FBN2: variants seen among roughly 807,000 people sequenced by gnomAD.
The protein encoded by FBN2 is fibrillin 2, also known as fibrillin-2.
In FBN2, 105 loss-of-function variants were observed where a neutral mutation model predicts 355.6. The observed-to-expected ratio is 0.30, with a 90% CI of 0.25 to 0.35. The LOEUF (loss-of-function observed/expected upper bound fraction) is 0.35. Among genes scored for constraint, FBN2 ranks in the 10% least tolerant of loss-of-function variants. The probability of loss-of-function intolerance (pLI) is 1.00; values close to 1 mark genes in which losing one functional copy is unlikely to be tolerated. For missense variants in FBN2, 3,280 were observed against 3,758.7 expected, an observed-to-expected ratio of 0.87 and a Z score of 3.33; for synonymous variants, 1,350 against 1,301.2, an observed-to-expected ratio of 1.04 and a Z score of -0.81.
rs779073739 is a variant in FBN2, at chr5:128,272,077, A to C, written c.7882T>G (p.Cys2628Gly). 1 of 1,614,118 alleles carries C rather than the reference A, an allele frequency of 6.2e-7. No homozygotes were observed. The highest frequency in any genetic ancestry group is 1.1e-5 in the South Asian group (1 of 91,076). ...CDGNHRCQHG[C>G]QNILGGYRCG... ...CTGTAGCCACCCAGGATGTTCTGGC[A>C]GCCGTGTTGGCACCTGTGGTTCCCA... The change falls in exon 62 of 65, where the codon TGC becomes GGC. Residue 2628 changes from cysteine (C) to glycine (G), a missense_variant. Physicochemically the swap from Cys to Gly is radical, Grantham distance 159 (BLOSUM62 -3). Around this residue, in one of 6 missense-constraint regions of FBN2, gnomAD observed 2,284 missense variants for 2,749.5 expected, o/e 0.83. Transcript: ENST00000262464.
intron 36 of FBN2, 48 bp from the exon 37 acceptor site, chr5:128,312,843 G>A: frequency 6.2e-7 from 1 of 1,602,206 alleles, no homozygotes; most frequent in South Asian, 1.1e-5. Flanking sequence ...TACATAGTAA[G>A]GACTCCATTT....
chr5:128,446,661 A>G (rs1438186080), intron 6 of FBN2, 55 bp from the exon 7 acceptor site: 10 of 1,573,192 alleles, frequency 6.4e-6, no homozygotes, highest in Admixed American at 1.7e-5. Flanking sequence ...GAATATCTAT[A>G]CTTTTTTTTA....
Position 128,399,202 on chromosome 5 carries a change from TAGCCATACC to T in FBN2, c.1079-3937_1079-3929del, listed in dbSNP as rs573520961. Among the ~76,000 whole-genome samples, 52 of 152,244 alleles carry T rather than the reference TAGCCATACC, an allele frequency of 3.4e-4. 1 individual carries two copies. The South Asian group carries it at 7.1e-3, about 21-fold the overall frequency. ...GGAAAAATAAACAGAGATACACAAT[TAGCCATACC>T]ACTGTGAAACTGCAGAACTACAAAG... On this transcript the variant is annotated intron_variant, in intron 8 of 64. Coordinates refer to ENST00000262464, the MANE Select transcript of FBN2 (RefSeq NM_001999.4).
chr5:128,513,393 T>C (rs1233819101), intron 5 of FBN2, among the ~76,000 whole-genome samples: 2 of 152,264 alleles, frequency 1.3e-5, no homozygotes, highest in African/African-American at 4.8e-5. Context: ...CTCTAATGTC[T>C]TTTAATCCGA....
chr5:128,340,658 C>CAT (rs1389970225), intron 25 of FBN2, among the ~76,000 whole-genome samples: 1 of 152,156 alleles, frequency 6.6e-6, no homozygotes, highest in East Asian at 1.9e-4. Context: ...CCCAGTCTGT[C>CAT]ATCTACTGAG....
chr5:128,389,768 C>A (rs1231453432), intron 11 of FBN2, among the ~76,000 whole-genome samples: 1 of 152,128 alleles, frequency 6.6e-6, no homozygotes, highest in Non-Finnish European at 1.5e-5. Context: ...TGGGCCACTC[C>A]TCAACTATTT....
At position 128,464,909 on chromosome 5, in the gene FBN2, C is replaced by A. The variant is rs1439247745; in HGVS notation, c.641G>T (p.Gly214Val). Residue 214 changes from glycine to valine, a missense_variant, in exon 6 of 65, where the codon GGC (glycine) becomes GTC (valine). By Grantham distance (109) the Gly-to-Val change is moderately radical. Transcript: ENST00000262464. Reference protein sequence around the residue: ...GPQCERDYRTGPCFTQVNNQM... With the variant: ...GPQCERDYRTVPCFTQVNNQM... ...GTTGTTGACCTGAGTGAAACACGGG[C>A]CTGTCCTGTAATCTGGAATGTGGGA... 1.2e-6 allele frequency: 2 copies of A among 1,614,176 alleles called. No individual in the cohort carries two copies. Among genetic ancestry groups the A allele is most frequent in the East Asian group, 2.2e-5 (1 of 44,880 alleles).
intron 6 of FBN2, among the ~76,000 whole-genome samples, chr5:128,457,541 G>T (rs1252852271): frequency 3.9e-5 from 6 of 152,042 alleles, no homozygotes; most frequent in African/African-American, 1.4e-4. Context: ...AACTGTTAAG[G>T]GCAGCCAGAT....
At chr5:128,344,352 A>G in intron 25 of FBN2, 33 bp downstream of exon 25, 7 of 1,612,394 alleles carry the variant, frequency 4.3e-6, no homozygotes, top group Non-Finnish European at 5.9e-6. Flanking sequence ...AGACAGCCAG[A>G]GTTTATCAAA....
At chr5:128,496,520 G>T (rs1007394792) in intron 5 of FBN2, among the ~76,000 whole-genome samples, 4 of 151,890 alleles carry the variant, frequency 2.6e-5, no homozygotes, top group Non-Finnish European at 4.4e-5. Context: ...ATAATAAAGG[G>T]CCTCTACAAA....
intron 34 of FBN2, among the ~76,000 whole-genome samples, chr5:128,322,333 G>T (rs1460484706): frequency 6.6e-6 from 1 of 152,032 alleles, no homozygotes; most frequent in Non-Finnish European, 1.5e-5. Flanking sequence ...CATTGCTTTT[G>T]GTGTTTCAGT....
chr5:128,320,328 C>T (rs994567822), intron 34 of FBN2, among the ~76,000 whole-genome samples: 2 of 152,088 alleles, frequency 1.3e-5, no homozygotes, highest in Admixed American at 6.6e-5. Flanking sequence ...AATCCTCCCC[C>T]TTCAGCCTTC....
chr5:128,521,985 G>A (rs1756445441), intron 4 of FBN2, among the ~76,000 whole-genome samples: 1 of 151,912 alleles, frequency 6.6e-6, no homozygotes, highest in African/African-American at 2.4e-5. Flanking sequence ...ATTTATCTTA[G>A]CTTATAATAT....
At chr5:128,325,509 C>T (rs1028938242) in intron 34 of FBN2, among the ~76,000 whole-genome samples, 3 of 152,142 alleles carry the variant, frequency 2.0e-5, no homozygotes, top group Non-Finnish European at 4.4e-5. Flanking sequence ...TGTCTTTGCA[C>T]GTGAGATGCG....
chr5:128,512,373 G>T (rs1199314993), intron 5 of FBN2, among the ~76,000 whole-genome samples: 1 of 151,844 alleles, frequency 6.6e-6, no homozygotes, highest in Non-Finnish European at 1.5e-5. Context: ...TATTAGCAGG[G>T]GTGGTGGCGC....
intron 5 of FBN2, among the ~76,000 whole-genome samples, chr5:128,472,656 T>C (rs1380661131): frequency 2.6e-5 from 4 of 152,020 alleles, no homozygotes; most frequent in Admixed American, 6.5e-5. Flanking sequence ...CTAGGCATGG[T>C]GGCACATGCC....
intron 62 of FBN2, among the ~76,000 whole-genome samples, chr5:128,264,880 C>T (rs983215608): frequency 6.6e-6 from 1 of 152,108 alleles, no homozygotes; most frequent in African/African-American, 2.4e-5. Context: ...AGAGGCCTCC[C>T]AGACAGGAAT....
At chr5:128,330,750 G>C in intron 32 of FBN2, 55 bp from the exon 33 acceptor site, 1 of 1,593,876 alleles carries the variant, frequency 6.3e-7, no homozygotes, top group Non-Finnish European at 8.6e-7. Flanking sequence ...TAAGCACCTG[G>C]AAAGATTATC....
intron 15 of FBN2, 125 bp downstream of exon 15, chr5:128,374,503 G>C: frequency 1.5e-6 from 2 of 1,304,434 alleles, no homozygotes; most frequent in South Asian, 2.4e-5. Context: ...ATCTTTCCAA[G>C]GTTTATCCAT....
Sources: gnomAD v4.1 joint callset for allele counts (sites outside exome capture counted in the v4.1 genomes callset) on GRCh38, gnomAD v4.1.1 for gene constraint, gnomAD v4.1.1 regional missense constraint, MANE v1.5 for transcripts, NCBI Gene and HGNC (gene_info 2026-07-23, HGNC 2026-07-21) for gene names.